Variants in ARL6IP6 observed in about 807,000 individuals in gnomAD.
The protein encoded by ARL6IP6 is ARF like GTPase 6 interacting protein 6, also known as ADP-ribosylation factor-like protein 6-interacting protein 6.
A neutral mutation model predicts 21.5 loss-of-function variants in ARL6IP6; 22 were observed. The observed-to-expected ratio is 1.02, with a 90% CI of 0.73 to 1.46. The LOEUF (loss-of-function observed/expected upper bound fraction) is 1.46, where lower values mean the gene tolerates loss of function less well. Ranked by LOEUF, ARL6IP6 falls within the 40% of genes most tolerant of loss-of-function variation. ARL6IP6 has a pLI of 0.00. For synonymous variants in ARL6IP6, 164 were observed against 125.3 expected (o/e 1.31, Z -2.06); for missense variants, 388 against 299.8 (o/e 1.29, Z -2.17).
intron 1 of ARL6IP6, chr2:152,719,927 C>A: frequency 2.3e-6 from 1 of 428,204 alleles, no homozygotes; most frequent in South Asian, 1.6e-5. Flanking sequence ...GGCATGGCAT[C>A]TAAAACCTTA....
At chr2:152,730,505 C>A (rs1700257390) in intron 2 of ARL6IP6, among the ~76,000 whole-genome samples, 1 of 152,086 alleles carries the variant, frequency 6.6e-6, no homozygotes, top group Admixed American at 6.5e-5. Flanking sequence ...GTATAGCAAC[C>A]CCTAAGTTGT....
At chr2:152,741,142 G>A (rs1474356859) in intron 3 of ARL6IP6, among the ~76,000 whole-genome samples, 3 of 151,846 alleles carry the variant, frequency 2.0e-5, no homozygotes, top group Non-Finnish European at 4.4e-5. Context: ...ATTAATGTAA[G>A]CATTTTTCCT....
intron 3 of ARL6IP6, among the ~76,000 whole-genome samples, chr2:152,742,233 C>T (rs1351767555): frequency 6.6e-6 from 1 of 151,902 alleles, no homozygotes; most frequent in African/African-American, 2.4e-5. Flanking sequence ...TGTTACCTAC[C>T]CGTGGAAAAA....
At chr2:152,753,320 C>T (rs957587586) in intron 3 of ARL6IP6, among the ~76,000 whole-genome samples, 1 of 152,164 alleles carries the variant, frequency 6.6e-6, no homozygotes, top group Non-Finnish European at 1.5e-5. Context: ...TTTTGTTCCT[C>T]TGACCTAAAA....
chr2:152,739,660 C>T (rs1434335512), intron 3 of ARL6IP6, among the ~76,000 whole-genome samples: 1 of 152,190 alleles, frequency 6.6e-6, no homozygotes, highest in East Asian at 1.9e-4. Context: ...TCCAAAGTTA[C>T]TCCCACATTT....
chr2:152,718,951 C>T lies in ARL6IP6; in HGVS notation c.327C>T (p.Leu109=), dbSNP rs759131167. ...CTCGGCGGTGGCCGGTCCAGGTCCT[C>T]TCTATTCTCTGCTCGCTGCTCTTCG... The part of the protein sequence containing the change: ...AQPRRWPVQV[L]SILCSLLFAI... The change falls in exon 1 of 4, where the codon CTC becomes CTT. Residue 109 remains leucine, a synonymous_variant. Coordinates refer to ENST00000326446, the MANE Select transcript of ARL6IP6 (RefSeq NM_152522.7). 3 of 1,609,256 alleles carry T rather than the reference C, an allele frequency of 1.9e-6. No homozygotes were observed. Among genetic ancestry groups the T allele is most frequent in the East Asian group, 4.5e-5 (2 of 44,702 alleles).
At chr2:152,751,385 G>A (rs750175106) in intron 3 of ARL6IP6, among the ~76,000 whole-genome samples, 1 of 151,982 alleles carries the variant, frequency 6.6e-6, no homozygotes. Context: ...CTGAAAATAC[G>A]CAATAAGTTA....
intron 3 of ARL6IP6, among the ~76,000 whole-genome samples, chr2:152,755,217 GAC>G (rs1215239105): frequency 3.9e-5 from 6 of 152,224 alleles, no homozygotes; most frequent in Non-Finnish European, 8.8e-5. Context: ...CATCTGCGAA[GAC>G]ACGCGTTGCC....
chr2:152,723,969 A>G (rs17400806), intron 2 of ARL6IP6, among the ~76,000 whole-genome samples: 13,824 of 152,154 alleles, frequency 0.091, 910 homozygotes, highest in Non-Finnish European at 0.13. Context: ...CTCTATTAAG[A>G]AAGTGTTACA....
intron 2 of ARL6IP6, among the ~76,000 whole-genome samples, chr2:152,724,146 A>G (rs1574015313): frequency 6.6e-6 from 1 of 151,458 alleles, no homozygotes; most frequent in East Asian, 1.9e-4. Flanking sequence ...GCCAAAAAGG[A>G]CTGGAAGGAT....
chr2:152,743,982 A>G lies in ARL6IP6; in HGVS notation c.587+8856A>G, dbSNP rs147652955. ...GTCTCAGTTCTTAAATCTTCAGTTG[A>G]CTTCTATGCTAAGAGATTTCTTATC... is the stretch of plus-strand genomic sequence containing the variant. On this transcript the variant is annotated intron_variant, in intron 3 of 3. Transcript: ENST00000326446. Among the ~76,000 whole-genome samples the G allele has an allele frequency of 2.8e-4, 43 of 152,260 alleles. No individual in the cohort carries two copies. In the East Asian group the frequency reaches 7.5e-3, roughly 27 times the overall value.
intron 2 of ARL6IP6, among the ~76,000 whole-genome samples, chr2:152,727,192 C>A (rs1700087056): frequency 6.6e-6 from 1 of 152,048 alleles, no homozygotes; most frequent in South Asian, 2.1e-4. Context: ...TTACCTTGAC[C>A]CTATGTAGGC....
At chr2:152,731,210 A>G (rs915365173) in intron 2 of ARL6IP6, among the ~76,000 whole-genome samples, 3 of 152,124 alleles carry the variant, frequency 2.0e-5, no homozygotes, top group African/African-American at 7.2e-5. Flanking sequence ...TCTTCTGGAG[A>G]AATGAACACA....
chr2:152,737,259 C>T (rs1008356379), intron 3 of ARL6IP6, among the ~76,000 whole-genome samples: 11 of 152,160 alleles, frequency 7.2e-5, no homozygotes, highest in African/African-American at 2.7e-4. Context: ...CCTGGATTAT[C>T]ATTTTCCCTT....
At chr2:152,723,657 G>T (rs528057507) in intron 2 of ARL6IP6, among the ~76,000 whole-genome samples, 4 of 152,246 alleles carry the variant, frequency 2.6e-5, no homozygotes, top group Non-Finnish European at 4.4e-5. Flanking sequence ...TCCAAGATTG[G>T]CATGGCAGTC....
In ARL6IP6 at chr2:152,759,902, G is replaced by A. The variant is rs1701757209; in HGVS notation, c.*62G>A. On this transcript the variant is annotated 3_prime_UTR_variant, in exon 4 of 4. Transcript: ENST00000326446. The stretch of plus-strand genomic sequence containing the variant: ...CATGATTGTTTTGTAATAACAAGAA[G>A]GAGCATCACTGTCTACTCAGAAGAC... 7.2e-6 allele frequency: 10 copies of A among 1,387,000 alleles called. No individual in the cohort carries two copies. Among genetic ancestry groups the A allele is most frequent in the African/African-American group, 1.4e-5 (1 of 70,116 alleles). 85.9% of individuals were successfully genotyped at this position (1,387,000 alleles called of 1,614,324 possible). A position where few individuals can be genotyped will look rare whatever the true frequency, so the allele number is the denominator to read the frequency against.
chr2:152,722,761 A>G (rs1699851243), intron 2 of ARL6IP6, among the ~76,000 whole-genome samples: 1 of 152,146 alleles, frequency 6.6e-6, no homozygotes, highest in African/African-American at 2.4e-5. Context: ...AAACAAAATT[A>G]GCTGGGCATG....
intron 2 of ARL6IP6, among the ~76,000 whole-genome samples, chr2:152,725,081 T>C (rs1390366301): frequency 6.6e-6 from 1 of 152,228 alleles, no homozygotes; most frequent in African/African-American, 2.4e-5. Flanking sequence ...CAGTTCTGTT[T>C]GTAAGGATTG....
At chr2:152,734,749 A>G (rs10193713) in intron 2 of ARL6IP6, among the ~76,000 whole-genome samples, 30,767 of 152,080 alleles carry the variant, frequency 0.2, 4,022 homozygotes, top group Non-Finnish European at 0.3. Flanking sequence ...TGTTGAATTT[A>G]CCCTTTTTTC....
Sources: gnomAD v4.1 joint callset for allele counts (sites outside exome capture counted in the v4.1 genomes callset) on GRCh38, gnomAD v4.1.1 for gene constraint, MANE v1.5 for transcripts, NCBI Gene and HGNC (gene_info 2026-07-23, HGNC 2026-07-21) for gene names.